Variants in SPAG6 observed in about 807,000 individuals in gnomAD.
The protein encoded by SPAG6 is sperm-associated antigen 6.
Under a neutral mutation model 58.5 loss-of-function variants are expected in SPAG6, and 49 were observed. That is an observed-to-expected ratio of 0.84 (90% confidence interval 0.67 to 1.06). The LOEUF is 1.06. Ranked by LOEUF, SPAG6 falls within the 50% of genes least tolerant of loss-of-function variation. The pLI is 0.00. For synonymous variants in SPAG6, 233 were observed against 225.6 expected (o/e 1.03, Z -0.29); for missense variants, 560 against 611.3 (o/e 0.92, Z 0.89).
At chr10:22,414,816 G>A (rs1414823553) in intron 10 of SPAG6, among the ~76,000 whole-genome samples, 1 of 152,138 alleles carries the variant, frequency 6.6e-6, no homozygotes, top group African/African-American at 2.4e-5. Context: ...GCCCAGACTG[G>A]AGTTCAATGG....
At chr10:22,392,632 G>C (rs1834208131) in intron 8 of SPAG6, among the ~76,000 whole-genome samples, 1 of 151,934 alleles carries the variant, frequency 6.6e-6, no homozygotes, top group Admixed American at 6.6e-5. Context: ...AAATTGACTT[G>C]GTTTGAGGGA....
chr10:22,378,267 T>G (rs1433971302), intron 4 of SPAG6, among the ~76,000 whole-genome samples: 13 of 152,150 alleles, frequency 8.5e-5, no homozygotes, highest in African/African-American at 2.9e-4. Context: ...TTTCACTATG[T>G]TGGCCAGGTT....
At chr10:22,363,612 G>T (rs895207861) in intron 2 of SPAG6, among the ~76,000 whole-genome samples, 2 of 152,172 alleles carry the variant, frequency 1.3e-5, no homozygotes, top group Non-Finnish European at 2.9e-5. Context: ...AAGCATCACC[G>T]CTCTCTGCTT....
At position 22,360,715 on chromosome 10, in the gene SPAG6, C is replaced by T. The variant is rs1837010448; in HGVS notation, c.122-4138C>T. On this transcript the variant is annotated intron_variant, in intron 2 of 10. Transcript: ENST00000376624. ...TAATATTACATAGTATATGTTGGGT[C>T]CTTCAAGTGAGCCCCAGTGATGTCG... 7.9e-6 allele frequency: 7 copies of T among 882,354 alleles called. No homozygotes were observed. The South Asian group carries it at 1.1e-4, about 13-fold the overall frequency. The allele number at this position is 882,354 out of a possible 1,614,324, so 54.7% of individuals were successfully genotyped here. A position where few individuals can be genotyped will look rare whatever the true frequency, so the allele number is the denominator to read the frequency against.
intron 3 of SPAG6, among the ~76,000 whole-genome samples, chr10:22,367,552 A>G (rs184795971): frequency 6.6e-6 from 1 of 152,306 alleles, no homozygotes; most frequent in Non-Finnish European, 1.5e-5. Context: ...ACTTTTCATT[A>G]GTCACTGTGA....
At chr10:22,368,401 AG>A in intron 3 of SPAG6, 93 bp from the exon 4 acceptor site, 1 of 889,556 alleles carries the variant, frequency 1.1e-6, no homozygotes, top group Non-Finnish European at 1.7e-6. Flanking sequence ...CTTTATTTAT[AG>A]TAATGTTATT....
At chr10:22,390,324 G>A (rs1410396755) in intron 7 of SPAG6, among the ~76,000 whole-genome samples, 1 of 152,134 alleles carries the variant, frequency 6.6e-6, no homozygotes, top group Non-Finnish European at 1.5e-5. Context: ...GAAGAATGAT[G>A]AAAGAAGAAG....
rs765396185 is a variant in SPAG6, at chr10:22,411,039, G to T, written c.1323G>T (p.Pro441=). The change falls in exon 10 of 11, where the codon CCG becomes CCT. Residue 441 remains proline, a synonymous_variant. Transcript: ENST00000376624. ...GTGCTTCACTTTGCAAGGTGCTGCCGCATGATAGCAAAGCTCGACGACTTT... is the reference window on the plus strand; with the variant it reads ...GTGCTTCACTTTGCAAGGTGCTGCCTCATGATAGCAAAGCTCGACGACTTT... ...HVVGQFSKVL[P]HDSKARRLFV... 3 of 1,613,522 alleles carry T rather than the reference G, an allele frequency of 1.9e-6. No homozygotes were observed. The highest frequency in any genetic ancestry group is 2.5e-6 in the Non-Finnish European group (3 of 1,179,806).
At chr10:22,365,275 T>C (rs1324542958) in intron 3 of SPAG6, among the ~76,000 whole-genome samples, 1 of 152,170 alleles carries the variant, frequency 6.6e-6, no homozygotes, top group East Asian at 1.9e-4. Flanking sequence ...AGTATTTCTA[T>C]ATATGAGAGT....
chr10:22,346,491 TTCTTCTTTCTTCTTCTTCTTCC>T (rs1564357357), intron 2 of SPAG6, among the ~76,000 whole-genome samples: 2 of 130,400 alleles, frequency 1.5e-5, no homozygotes, highest in African/African-American at 4.3e-5. Context: ...CTTCTTCTTC[TTCTTCTTTCTTCTTCTTCTTCC>T]TCTTCTTCTT....
Position 22,345,588 on chromosome 10 carries a change from A to G in SPAG6, c.-24A>G. 1 of 1,524,240 alleles carries G rather than the reference A, an allele frequency of 6.6e-7. No homozygotes were observed. The highest frequency in any genetic ancestry group is 8.8e-7 in the Non-Finnish European group (1 of 1,137,080). 94.4% of individuals were successfully genotyped at this position (1,524,240 alleles called of 1,614,324 possible). On this transcript the variant is annotated 5_prime_UTR_variant, in exon 1 of 11. Transcript: ENST00000376624. This position sits in a 1 kb window ranked among gnomAD's most constrained non-coding sequence, Gnocchi z 6.3. ...AGCGGCTTCCCCGCAGAGCTCGAGG[A>G]GGGCAGACGGCGGCGGGGGCGCCAT...
At chr10:22,409,649 G>A (rs1834676456) in intron 9 of SPAG6, among the ~76,000 whole-genome samples, 1 of 152,284 alleles carries the variant, frequency 6.6e-6, no homozygotes. Flanking sequence ...AAAAGAGCTG[G>A]TCCTTGCAGA....
chr10:22,394,915 T>C (rs1485600873), intron 8 of SPAG6, among the ~76,000 whole-genome samples: 2 of 152,112 alleles, frequency 1.3e-5, no homozygotes, highest in East Asian at 3.9e-4. Flanking sequence ...CTCACTGTGT[T>C]GCCCAGGCTG....
intron 8 of SPAG6, among the ~76,000 whole-genome samples, chr10:22,392,430 A>G (rs932755315): frequency 6.6e-6 from 1 of 152,134 alleles, no homozygotes; most frequent in Non-Finnish European, 1.5e-5. Context: ...ACTAAATTAA[A>G]TATTTTTAAA....
intron 9 of SPAG6, among the ~76,000 whole-genome samples, chr10:22,402,206 C>T (rs188647800): frequency 5.3e-4 from 81 of 151,690 alleles, no homozygotes; most frequent in African/African-American, 1.8e-3. Flanking sequence ...ATATTAAGCA[C>T]GCAAAAGAAC....
intron 8 of SPAG6, among the ~76,000 whole-genome samples, chr10:22,395,310 G>A (rs889093121): frequency 1.3e-5 from 2 of 152,076 alleles, no homozygotes; most frequent in Non-Finnish European, 2.9e-5. Flanking sequence ...TTAACATCTC[G>A]AGAAACTGCC....
At chr10:22,346,430 G>GCTC (rs1554776434) in intron 2 of SPAG6, among the ~76,000 whole-genome samples, 3 of 95,920 alleles carry the variant, frequency 3.1e-5, no homozygotes, top group Non-Finnish European at 6.5e-5. Flanking sequence ...AGAGAAAATG[G>GCTC]TTCTTCTTCT....
At chr10:22,356,144 T>C (rs909888004) in intron 2 of SPAG6, among the ~76,000 whole-genome samples, 1 of 152,248 alleles carries the variant, frequency 6.6e-6, no homozygotes, top group Non-Finnish European at 1.5e-5. Context: ...AAATTACCTA[T>C]GCTAGGTCAC....
At chr10:22,382,960 C>G (rs1453140113) in intron 4 of SPAG6, among the ~76,000 whole-genome samples, 1 of 152,150 alleles carries the variant, frequency 6.6e-6, no homozygotes, top group African/African-American at 2.4e-5. Flanking sequence ...AGCCTTTTCT[C>G]TTTGCATTTT....
Sources: allele counts gnomAD v4.1 joint callset (sites outside exome capture counted in the v4.1 genomes callset), GRCh38; gene constraint gnomAD v4.1.1; non-coding constraint Gnocchi (gnomAD v3.1); transcripts MANE v1.5; gene names NCBI Gene and HGNC (gene_info 2026-07-23, HGNC 2026-07-21).